SLCO3A1: variants seen among roughly 807,000 people sequenced by gnomAD.
The protein encoded by SLCO3A1 is PGE1 transporter.
Under a neutral mutation model 63.1 loss-of-function variants are expected in SLCO3A1, and 27 were observed. The observed-to-expected ratio is 0.43, with a 90% CI of 0.32 to 0.59. The LOEUF (loss-of-function observed/expected upper bound fraction) is 0.59, where lower values mean the gene tolerates loss of function less well. Ranked by LOEUF, SLCO3A1 falls within the 20% of genes least tolerant of loss-of-function variation. The pLI is 0.09. For synonymous variants in SLCO3A1, 473 were observed against 409.9 expected (o/e 1.15, Z -1.86); for missense variants, 773 against 945.8 (o/e 0.82, Z 2.40).
chr15:92,053,686 TTGTTTG>T (rs1567092409), intron 2 of SLCO3A1, among the ~76,000 whole-genome samples: 7 of 52,966 alleles, frequency 1.3e-4, no homozygotes, highest in African/African-American at 3.6e-4. Flanking sequence ...GTTTTTTTGT[TTGTTTG>T]TTTGTTTTTT....
chr15:92,110,634 A>T (rs1177008288), intron 4 of SLCO3A1, among the ~76,000 whole-genome samples: 2 of 152,158 alleles, frequency 1.3e-5, no homozygotes, highest in Non-Finnish European at 2.9e-5. Context: ...ACCTGGTGGT[A>T]CCCCTTCCAA....
chr15:92,065,373 C>T (rs1466452429), intron 2 of SLCO3A1, among the ~76,000 whole-genome samples: 1 of 152,154 alleles, frequency 6.6e-6, no homozygotes, highest in Admixed American at 6.6e-5. Flanking sequence ...TAGGTGTGAG[C>T]CACCACACCC....
At position 91,979,567 on chromosome 15, in the gene SLCO3A1, C is replaced by T. The variant is rs78963459; in HGVS notation, c.646+63109C>T. 9.3e-3 allele frequency among the ~76,000 whole-genome samples: 1,417 copies of T among 151,998 alleles called. 10 individuals are homozygous for T. Among genetic ancestry groups the T allele is most frequent in the Non-Finnish European group, 0.015 (1,051 of 67,948 alleles). On this transcript the variant is annotated intron_variant, in intron 2 of 9. Transcript: ENST00000318445. ...CCTAAAGGGTATGACCATTTATCCA[C>T]GGAAAAAAAAATTGAATGGCACTGC... is the stretch of plus-strand genomic sequence containing the variant.
chr15:91,989,300 A>G (rs142010342), intron 2 of SLCO3A1, among the ~76,000 whole-genome samples: 12 of 152,148 alleles, frequency 7.9e-5, no homozygotes, highest in Admixed American at 7.9e-4. Flanking sequence ...GCAGCCCTTA[A>G]CGTACTGTAT....
At chr15:91,867,436 C>G (rs1450951586) in intron 1 of SLCO3A1, among the ~76,000 whole-genome samples, 4 of 152,012 alleles carry the variant, frequency 2.6e-5, no homozygotes, top group Admixed American at 2.6e-4. Context: ...TATTAAACCT[C>G]TCTTTTGCAT....
intron 2 of SLCO3A1, among the ~76,000 whole-genome samples, chr15:91,956,248 C>T (rs1473407913): frequency 6.6e-6 from 1 of 152,166 alleles, no homozygotes; most frequent in Non-Finnish European, 1.5e-5. Context: ...CAGCAGCAGG[C>T]CTGAGACCCA....
chr15:92,045,092 A>G (rs1411742192), intron 2 of SLCO3A1, among the ~76,000 whole-genome samples: 1 of 152,146 alleles, frequency 6.6e-6, no homozygotes, highest in Non-Finnish European at 1.5e-5. Context: ...AATCCTGGCT[A>G]ATGTGGTGAA....
chr15:92,109,251 G>A (rs564021315), intron 4 of SLCO3A1, among the ~76,000 whole-genome samples: 5 of 152,260 alleles, frequency 3.3e-5, no homozygotes, highest in East Asian at 1.9e-4. Flanking sequence ...GAACCCGGGC[G>A]AAGGCTCCAG....
intron 2 of SLCO3A1, among the ~76,000 whole-genome samples, chr15:92,080,244 TAGTAATC>T (rs1300057578): frequency 6.6e-6 from 1 of 152,112 alleles, no homozygotes; most frequent in East Asian, 1.9e-4. Flanking sequence ...CAGGCCTGGG[TAGTAATC>T]AGTTTACAGT....
At chr15:92,150,501 C>T (rs1486126842) in intron 8 of SLCO3A1, among the ~76,000 whole-genome samples, 1 of 152,142 alleles carries the variant, frequency 6.6e-6, no homozygotes, top group Non-Finnish European at 1.5e-5. Flanking sequence ...TGGTGGATTT[C>T]ACAAAATGAC....
At chr15:91,870,271 T>C (rs1024531352) in intron 1 of SLCO3A1, among the ~76,000 whole-genome samples, 54 of 152,236 alleles carry the variant, frequency 3.5e-4, no homozygotes, top group African/African-American at 1.3e-3. Context: ...ACTTATAAAA[T>C]GTATGTTCTA....
chr15:92,002,372 T>G (rs1030849125), intron 2 of SLCO3A1, among the ~76,000 whole-genome samples: 8 of 152,160 alleles, frequency 5.3e-5, no homozygotes, highest in African/African-American at 1.9e-4. Context: ...CCTTGAACAA[T>G]GTACTCCTCA....
rs537475560 is a variant in SLCO3A1 at position 91,991,802 on chromosome 15, G to C, written c.646+75344G>C. On this transcript the variant is annotated intron_variant, in intron 2 of 9. Transcript: ENST00000318445. ...AGTGGCTGCTGTCCCGCGCAGCCCAGCTCTGGATGAGGAACAAGAATTAAT... is the reference window on the plus strand; with the variant it reads ...AGTGGCTGCTGTCCCGCGCAGCCCACCTCTGGATGAGGAACAAGAATTAAT... 7.2e-5 allele frequency among the ~76,000 whole-genome samples: 11 copies of C among 152,332 alleles called. No homozygotes were observed. The East Asian group carries it at 2.1e-3, about 29-fold the overall frequency.
intron 1 of SLCO3A1, among the ~76,000 whole-genome samples, chr15:91,893,367 A>G (rs973603993): frequency 3.3e-5 from 5 of 152,198 alleles, no homozygotes; most frequent in African/African-American, 1.2e-4. Context: ...CTTAGAAACA[A>G]CAAACATTTA....
At chr15:92,170,345 A>G (rs2048514701), downstream of SLCO3A1, among the ~76,000 whole-genome samples, 2 of 152,182 alleles carry the variant, frequency 1.3e-5, no homozygotes, top group African/African-American at 4.8e-5. Flanking sequence ...AGCACCTGCT[A>G]CCCACGTGCC....
intron 2 of SLCO3A1, among the ~76,000 whole-genome samples, chr15:91,934,795 T>C (rs1433372287): frequency 6.6e-6 from 1 of 152,248 alleles, no homozygotes; most frequent in Non-Finnish European, 1.5e-5. Flanking sequence ...TGAACTTCTT[T>C]TCGATGTTAA....
rs1033352666 is a variant in SLCO3A1, at chr15:91,950,406, C to T, written c.646+33948C>T. Among the ~76,000 whole-genome samples the T allele has an allele frequency of 1.4e-4, 22 of 152,242 alleles. No individual in the cohort carries two copies. Among genetic ancestry groups the T allele is most frequent in the Admixed American group, 7.8e-4 (12 of 15,302 alleles). ...CCAGCCCTGTCACTGGCCATTGATCCCAGGCCTTGACCAAATGGGGTCTCT... is the reference window on the plus strand; with the variant it reads ...CCAGCCCTGTCACTGGCCATTGATCTCAGGCCTTGACCAAATGGGGTCTCT... On this transcript the variant is annotated intron_variant, in intron 2 of 9. Transcript: ENST00000318445. This position sits in a 1 kb window ranked among gnomAD's most constrained non-coding sequence, Gnocchi z 4.4.
chr15:92,007,915 G>A (rs111848923), intron 2 of SLCO3A1, among the ~76,000 whole-genome samples: 1 of 152,248 alleles, frequency 6.6e-6, no homozygotes, highest in African/African-American at 2.4e-5. Context: ...ATTTTTGGAA[G>A]CATCTCTTTT....
chr15:91,856,075 C>T lies in SLCO3A1; in HGVS notation c.180+1987C>T, dbSNP rs1181161197. Among the ~76,000 whole-genome samples the T allele has an allele frequency of 2.6e-5, 4 of 151,904 alleles. No individual in the cohort carries two copies. The highest frequency in any genetic ancestry group is 2.0e-4 in the Admixed American group (3 of 15,260). On this transcript the variant is annotated intron_variant, in intron 1 of 9. Transcript: ENST00000318445. This position sits in a 1 kb window ranked among gnomAD's most constrained non-coding sequence, Gnocchi z 4.9. ...AGCCGAGTACTCCTGGAGTGGTGGA[C>T]TTCTGGAGGCAGGGCTGGCCCCAGG...
Sources: gnomAD v4.1 joint callset for allele counts (sites outside exome capture counted in the v4.1 genomes callset) on GRCh38, gnomAD v4.1.1 for gene constraint, Gnocchi (gnomAD v3.1) non-coding constraint, MANE v1.5 for transcripts, NCBI Gene and HGNC (gene_info 2026-07-23, HGNC 2026-07-21) for gene names.